The following MIR2052HG variants were observed in gnomAD, a reference collection of about 807,000 sequenced individuals.
The protein encoded by MIR2052HG is MIR2052 host gene.
chr8:74,646,226 C>A (rs1808688927), intron 2 of MIR2052HG, among the ~76,000 whole-genome samples: 1 of 152,044 alleles, frequency 6.6e-6, no homozygotes, highest in African/African-American at 2.4e-5. Flanking sequence ...GAATGGGGAT[C>A]CAGGGAAGAC....
At chr8:74,655,556 T>C (rs187180766) in intron 2 of MIR2052HG, among the ~76,000 whole-genome samples, 1 of 152,280 alleles carries the variant, frequency 6.6e-6, no homozygotes, top group East Asian at 1.9e-4. Flanking sequence ...TTCCACATGG[T>C]GTTGAGACTG....
intron 2 of MIR2052HG, among the ~76,000 whole-genome samples, chr8:74,625,517 A>G (rs1808422842): frequency 6.6e-6 from 1 of 152,250 alleles, no homozygotes; most frequent in East Asian, 1.9e-4. Context: ...TTTTACCAAA[A>G]TGTAGATTTT....
At chr8:74,609,221 A>G (rs1245604363) in intron 1 of MIR2052HG, among the ~76,000 whole-genome samples, 2 of 152,014 alleles carry the variant, frequency 1.3e-5, no homozygotes, top group African/African-American at 4.8e-5. Context: ...ATACCGTGAA[A>G]GATAAAAATT....
chr8:74,643,936 C>T (rs1201037882), intron 2 of MIR2052HG, among the ~76,000 whole-genome samples: 1 of 152,218 alleles, frequency 6.6e-6, no homozygotes, highest in African/African-American at 2.4e-5. Flanking sequence ...TATCACAGAA[C>T]TAGATCATTC....
rs544370489 is a variant in MIR2052HG at position 74,671,886 on chromosome 8, C to A, written n.217-30493C>A. ...CTAAGAGGAGTGCATTTTGTGGCTT[C>A]AGCGGCCTACCAAACCAAACATTTG... On this transcript the variant is annotated intron_variant and non_coding_transcript_variant, in intron 2 of 6. Transcript: ENST00000523442. 1.5e-3 allele frequency among the ~76,000 whole-genome samples: 222 copies of A among 152,214 alleles called. 2 individuals carry two copies. The highest frequency in any genetic ancestry group is 2.6e-3 in the Non-Finnish European group (178 of 67,988).
intron 2 of MIR2052HG, among the ~76,000 whole-genome samples, chr8:74,659,923 A>G (rs1490611555): frequency 6.6e-6 from 1 of 152,222 alleles, no homozygotes; most frequent in East Asian, 1.9e-4. Context: ...GAGGAATGGC[A>G]CAATTTTTGT....
At chr8:74,610,898 A>G (rs1808185587) in intron 1 of MIR2052HG, among the ~76,000 whole-genome samples, 1 of 152,046 alleles carries the variant, frequency 6.6e-6, no homozygotes. Context: ...CACAATCTCT[A>G]GAAGAAAACA....
intron 5 of MIR2052HG, among the ~76,000 whole-genome samples, chr8:74,755,531 T>C (rs1809990583): frequency 6.6e-6 from 1 of 152,246 alleles, no homozygotes; most frequent in Non-Finnish European, 1.5e-5. Context: ...TGCAGTGACA[T>C]TGCAGATTTT....
At chr8:74,722,733 A>C (rs1809591927) in intron 4 of MIR2052HG, among the ~76,000 whole-genome samples, 1 of 152,236 alleles carries the variant, frequency 6.6e-6, no homozygotes, top group Non-Finnish European at 1.5e-5. Flanking sequence ...TTAAGAATTC[A>C]TGCTGGTCAA....
At chr8:74,676,797 C>G (rs930215315) in intron 2 of MIR2052HG, among the ~76,000 whole-genome samples, 2 of 151,896 alleles carry the variant, frequency 1.3e-5, no homozygotes, top group Non-Finnish European at 2.9e-5. Flanking sequence ...TCCAAGTGTA[C>G]TTACAACACA....
At chr8:74,672,974 A>T (rs182187256) in intron 2 of MIR2052HG, among the ~76,000 whole-genome samples, 15 of 152,198 alleles carry the variant, frequency 9.9e-5, no homozygotes, top group Admixed American at 9.8e-4. Context: ...TTGGTCAACT[A>T]CCATCATAAA....
chr8:74,620,146 C>T (rs532691669), intron 2 of MIR2052HG, among the ~76,000 whole-genome samples: 2 of 152,352 alleles, frequency 1.3e-5, no homozygotes, highest in South Asian at 4.1e-4. Context: ...TCATGTCTCA[C>T]ATCTAGGTTA....
intron 4 of MIR2052HG, among the ~76,000 whole-genome samples, chr8:74,721,203 G>T (rs534092950): frequency 6.6e-6 from 1 of 152,296 alleles, no homozygotes; most frequent in South Asian, 2.1e-4. Flanking sequence ...TGGGCTGGGG[G>T]TTGCAGGAAG....
intron 2 of MIR2052HG, among the ~76,000 whole-genome samples, chr8:74,681,893 C>T (rs752477358): frequency 6.6e-6 from 1 of 152,116 alleles, no homozygotes; most frequent in Non-Finnish European, 1.5e-5. Flanking sequence ...CCCATAAGTA[C>T]ATGATAATTT....
intron 4 of MIR2052HG, among the ~76,000 whole-genome samples, chr8:74,717,634 A>T (rs937959808): frequency 2.0e-5 from 3 of 152,068 alleles, no homozygotes; most frequent in Non-Finnish European, 4.4e-5. Flanking sequence ...CCTGGGCAAG[A>T]TGGCAAAACC....
At chr8:74,604,583 C>CTTTGTTTTT (rs1808082362) in intron 1 of MIR2052HG, among the ~76,000 whole-genome samples, 1 of 50,008 alleles carries the variant, frequency 2.0e-5, no homozygotes, top group Non-Finnish European at 3.6e-5. Context: ...TGTTTCTTTA[C>CTTTGTTTTT]TTTTTTTTTT....
At chr8:74,685,888 C>T (rs1809175498) in intron 2 of MIR2052HG, among the ~76,000 whole-genome samples, 1 of 151,964 alleles carries the variant, frequency 6.6e-6, no homozygotes, top group Non-Finnish European at 1.5e-5. Context: ...CAGATGAGTC[C>T]TGCCAAATTT....
intron 2 of MIR2052HG, among the ~76,000 whole-genome samples, chr8:74,689,237 C>T (rs1057175076): frequency 1.3e-5 from 2 of 152,142 alleles, no homozygotes; most frequent in African/African-American, 4.8e-5. Flanking sequence ...TGGGAAGACT[C>T]ATCTCTTCTT....
intron 4 of MIR2052HG, among the ~76,000 whole-genome samples, chr8:74,725,170 A>T (rs1343942274): frequency 1.3e-5 from 2 of 152,268 alleles, no homozygotes; most frequent in Non-Finnish European, 1.5e-5. Flanking sequence ...GCACATTGGC[A>T]TATGAATTTG....
Sources: allele counts gnomAD v4.1 joint callset (sites outside exome capture counted in the v4.1 genomes callset), GRCh38; gene constraint gnomAD v4.1.1; transcripts MANE v1.5; gene names NCBI Gene and HGNC (gene_info 2026-07-23, HGNC 2026-07-21).